The following TMPRSS12 variants were observed in gnomAD, a reference collection of about 807,000 sequenced individuals.
TMPRSS12 encodes transmembrane serine protease 12.
A neutral mutation model predicts 26.0 loss-of-function variants in TMPRSS12; 25 were observed. The ratio of observed to expected loss-of-function variants is 0.96; its 90% CI spans 0.70 to 1.34. The LOEUF is 1.34. Among genes scored for constraint, TMPRSS12 ranks in the 40% most tolerant of loss-of-function variants. The pLI is 0.00. For synonymous variants in TMPRSS12, 150 were observed against 161.7 expected, an observed-to-expected ratio of 0.93 and a Z score of 0.55; for missense variants, 441 against 440.1, an observed-to-expected ratio of 1.00 and a Z score of -0.02.
At position 50,849,720 on chromosome 12, in the gene TMPRSS12, C is replaced by CT. The variant is rs201034323; in HGVS notation, c.383+5688dup. On this transcript the variant is annotated intron_variant, in intron 2 of 4. Transcript: ENST00000398458. ...TGTTTTGTGTGTCAGTAGATCATTCCTTTTTAAAAAAAAAAAAAGACAAAA... is the reference window on the plus strand; with the variant it reads ...TGTTTTGTGTGTCAGTAGATCATTCCTTTTTTAAAAAAAAAAAAAGACAAAA... Among the ~76,000 whole-genome samples the CT allele has an allele frequency of 9.7e-4, 145 of 148,850 alleles. 1 individual carries two copies. In the East Asian group the frequency reaches 0.013, roughly 13 times the overall value.
chr12:50,865,029 G>C (rs1937977891), intron 3 of TMPRSS12, among the ~76,000 whole-genome samples: 1 of 152,184 alleles, frequency 6.6e-6, no homozygotes, highest in African/African-American at 2.4e-5. Context: ...GTAATTGCTA[G>C]TATTTAAAAC....
intron 2 of TMPRSS12, among the ~76,000 whole-genome samples, chr12:50,853,980 C>T (rs1937852228): frequency 6.6e-6 from 1 of 152,032 alleles, no homozygotes; most frequent in Admixed American, 6.6e-5. Flanking sequence ...TTCTACAAAG[C>T]CAGCATCATT....
intron 3 of TMPRSS12, among the ~76,000 whole-genome samples, chr12:50,865,582 G>A (rs1937983516): frequency 6.6e-6 from 1 of 151,730 alleles, no homozygotes; most frequent in Admixed American, 6.6e-5. Flanking sequence ...GATTTGGGTT[G>A]AAATTTCTTA....
intron 3 of TMPRSS12, among the ~76,000 whole-genome samples, chr12:50,867,289 A>C (rs777394673): frequency 2.0e-5 from 3 of 152,246 alleles, no homozygotes; most frequent in Admixed American, 1.3e-4. Flanking sequence ...TCAAGAAAAA[A>C]CAAAACTTCA....
At chr12:50,869,739 T>C (rs901117484) in intron 3 of TMPRSS12, among the ~76,000 whole-genome samples, 1 of 152,074 alleles carries the variant, frequency 6.6e-6, no homozygotes, top group East Asian at 1.9e-4. Context: ...ACATAGGTGC[T>C]AAAACCCATA....
At chr12:50,885,451 G>A in intron 4 of TMPRSS12, 63 bp downstream of exon 4, 8 of 1,590,280 alleles carry the variant, frequency 5.0e-6, no homozygotes, top group Non-Finnish European at 6.0e-6. Context: ...TGTCAAACAA[G>A]GCCTTTGATA....
chr12:50,879,994 T>TTAA (rs1938148968), intron 3 of TMPRSS12, among the ~76,000 whole-genome samples: 1 of 150,830 alleles, frequency 6.6e-6, no homozygotes, highest in Admixed American at 6.6e-5. Context: ...AATAAAAAAT[T>TTAA]GGATAAAGAT....
intron 3 of TMPRSS12, among the ~76,000 whole-genome samples, chr12:50,863,591 T>C (rs1305156239): frequency 1.3e-5 from 2 of 152,150 alleles, no homozygotes; most frequent in Admixed American, 6.5e-5. Context: ...AACTAAGCAG[T>C]TAAAAGGTAT....
chr12:50,862,990 C>T (rs868465750), intron 3 of TMPRSS12, among the ~76,000 whole-genome samples: 2 of 151,886 alleles, frequency 1.3e-5, no homozygotes, highest in South Asian at 2.1e-4. Flanking sequence ...GCCAGGAGTT[C>T]GAGACCAGCC....
rs753582397 is a variant in TMPRSS12 at position 50,843,884 on chromosome 12, G to A, written c.230G>A (p.Arg77Gln). 4.5e-6 allele frequency: 7 copies of A among 1,566,806 alleles called. No homozygotes were observed. The highest frequency in any genetic ancestry group is 2.4e-5 in the East Asian group (1 of 42,454). ...APLKDVLQGS[R>Q]IIGGTEAQAG... The stretch of plus-strand genomic sequence containing the variant: ...CTTAAGGATGTGTTGCAAGGGTCTC[G>A]GATTATAGGGGGCACCGAAGCACAA... The change falls in exon 2 of 5, where the codon CGG becomes CAG. Residue 77 changes from arginine (R) to glutamine (Q), a missense_variant. Transcript: ENST00000398458.
At chr12:50,868,587 C>A (rs1938013504) in intron 3 of TMPRSS12, among the ~76,000 whole-genome samples, 1 of 152,092 alleles carries the variant, frequency 6.6e-6, no homozygotes, top group South Asian at 2.1e-4. Flanking sequence ...CTAGATAGGT[C>A]ATCAAGACAG....
At chr12:50,848,855 A>G (rs1468093518) in intron 2 of TMPRSS12, among the ~76,000 whole-genome samples, 1 of 152,142 alleles carries the variant, frequency 6.6e-6, no homozygotes, top group African/African-American at 2.4e-5. Flanking sequence ...GTATATAAGC[A>G]CCAATGGATA....
In TMPRSS12 at chr12:50,842,945, C is replaced by T. The variant is rs1937723921; in HGVS notation, c.-20C>T. ...GCGGGTGGGAAGTACCTGCCGCCAT[C>T]TTGCTCACCAGCCTCCAAAATGCGG... On this transcript the variant is annotated 5_prime_UTR_variant, in exon 1 of 5. Coordinates refer to ENST00000398458, the MANE Select transcript of TMPRSS12 (RefSeq NM_182559.3). 14 of 1,560,464 alleles carry T rather than the reference C, an allele frequency of 9.0e-6. No homozygotes were observed. The highest frequency in any genetic ancestry group is 1.4e-5 in the African/African-American group (1 of 73,646).
At chr12:50,855,185 C>G (rs965086731) in intron 2 of TMPRSS12, among the ~76,000 whole-genome samples, 6 of 152,064 alleles carry the variant, frequency 3.9e-5, no homozygotes, top group Non-Finnish European at 5.9e-5. Flanking sequence ...GACAAAGACT[C>G]CAAAAGCAAT....
intron 3 of TMPRSS12, among the ~76,000 whole-genome samples, chr12:50,879,384 A>G (rs1938143570): frequency 6.6e-6 from 1 of 152,228 alleles, no homozygotes; most frequent in Admixed American, 6.5e-5. Context: ...AAGAGCTGCA[A>G]ATATCTCCAG....
At chr12:50,866,549 T>C (rs934101743) in intron 3 of TMPRSS12, among the ~76,000 whole-genome samples, 10 of 111,738 alleles carry the variant, frequency 8.9e-5, no homozygotes, top group Admixed American at 2.2e-4. Context: ...CTACCCACCC[T>C]GGTTGCTGAA....
At chr12:50,846,585 T>C (rs896672329) in intron 2 of TMPRSS12, among the ~76,000 whole-genome samples, 2 of 152,120 alleles carry the variant, frequency 1.3e-5, no homozygotes, top group African/African-American at 4.8e-5. Flanking sequence ...TTTTGTTTTT[T>C]GTTTTGTTTT....
intron 4 of TMPRSS12, chr12:50,885,667 TTTTTA>T (rs1938219173): frequency 1.7e-6 from 1 of 586,990 alleles, no homozygotes; most frequent in Non-Finnish European, 3.0e-6. Flanking sequence ...CTCAATTTTT[TTTTTA>T]TTTGAGATAG....
At chr12:50,880,304 C>T (rs140083426) in intron 3 of TMPRSS12, among the ~76,000 whole-genome samples, 1 of 152,290 alleles carries the variant, frequency 6.6e-6, no homozygotes, top group Non-Finnish European at 1.5e-5. Flanking sequence ...ACAGGAGGGT[C>T]ACTTGAGCCT....
Sources: gnomAD v4.1 joint callset for allele counts (sites outside exome capture counted in the v4.1 genomes callset) on GRCh38, gnomAD v4.1.1 for gene constraint, MANE v1.5 for transcripts, NCBI Gene and HGNC (gene_info 2026-07-23, HGNC 2026-07-21) for gene names.